FAT4: variants seen among roughly 807,000 people sequenced by gnomAD.
The protein encoded by FAT4 is protocadherin Fat 4.
FAT4 carries 84 observed loss-of-function variants against 303.9 expected under a neutral mutation model. That is an observed-to-expected ratio of 0.28 (90% confidence interval 0.23 to 0.33). FAT4 has a LOEUF of 0.33. Ranked by LOEUF, FAT4 falls within the 10% of genes least tolerant of loss-of-function variation. The probability of loss-of-function intolerance (pLI) is 1.00; values close to 1 mark genes in which losing one functional copy is unlikely to be tolerated. For synonymous variants in FAT4, 2,307 were observed against 2,298.8 expected (o/e 1.00, Z -0.10); for missense variants, 6,005 against 6,146.8 (o/e 0.98, Z 0.77).
intron 2 of FAT4, among the ~76,000 whole-genome samples, chr4:125,394,429 G>A (rs1578592631): frequency 6.6e-6 from 1 of 152,262 alleles, no homozygotes; most frequent in East Asian, 1.9e-4. Context: ...TAACTATGTA[G>A]TAGTATTGGG....
chr4:125,446,225 A>C, intron 8 of FAT4, 68 bp from the exon 9 acceptor site: 1 of 1,358,598 alleles, frequency 7.4e-7, no homozygotes, highest in Non-Finnish European at 1.0e-6. Flanking sequence ...CAGTTTTTTA[A>C]TTATAGTAAA....
intron 7 of FAT4, among the ~76,000 whole-genome samples, chr4:125,431,614 C>T (rs927029168): frequency 6.6e-6 from 1 of 152,100 alleles, no homozygotes; most frequent in East Asian, 1.9e-4. Flanking sequence ...GTGTCCTAAG[C>T]ACATTACATT....
rs960354611 is a variant in FAT4, at chr4:125,435,421, T to C, written c.7199+996T>C. 4.7e-4 allele frequency among the ~76,000 whole-genome samples: 72 copies of C among 152,310 alleles called. 1 individual carries two copies. The highest frequency in any genetic ancestry group is 3.5e-3 in the Admixed American group (54 of 15,292). On this transcript the variant is annotated intron_variant, in intron 8 of 17. Transcript: ENST00000394329. ...AAAGTAATGGAGCAGAAGATAAAAT[T>C]TGAGACATTAAGAATTATCAGCTAT...
At chr4:125,397,898 T>G (rs189467725) in intron 2 of FAT4, among the ~76,000 whole-genome samples, 1 of 152,266 alleles carries the variant, frequency 6.6e-6, no homozygotes, top group Admixed American at 6.5e-5. Flanking sequence ...ATGCCCTGGT[T>G]ATATCCTAAC....
chr4:125,420,793 A>T (rs1248570803), intron 7 of FAT4, among the ~76,000 whole-genome samples: 2 of 152,196 alleles, frequency 1.3e-5, no homozygotes, highest in African/African-American at 4.8e-5. Context: ...CTCTGATTCA[A>T]TTCTGTTATC....
Position 125,416,525 on chromosome 4 carries a change from T to G in FAT4, c.6921T>G (p.Ala2307=). 6.2e-7 allele frequency: 1 copy of G among 1,614,056 alleles called. No individual in the cohort carries two copies. Among genetic ancestry groups the G allele is most frequent in the Non-Finnish European group, 8.5e-7 (1 of 1,179,924 alleles). The stretch of plus-strand genomic sequence containing the variant: ...TGTTTGGTGGTAATGAAGACAATGC[T>G]TTTACTCTCTCAGCCAGTGGAGAAC... ...YVLFGGNEDN[A]FTLSASGELG... Residue 2307 remains alanine, a synonymous_variant, in exon 7 of 18, where the codon GCT becomes GCG. Transcript: ENST00000394329.
rs147663284 is a variant in FAT4 at position 125,449,949 on chromosome 4, A to G, written c.8939A>G (p.Asp2980Gly). ...ACCATCAATATAGTGGACAGTAATG[A>G]CAATGCACCTCAATTTCTTAAAAGT... ...TVTINIVDSN[D>G]NAPQFLKSKY... Residue 2980 changes from aspartate to glycine, a missense_variant, in exon 10 of 18, where the codon GAC (aspartate) becomes GGC (glycine). Transcript: ENST00000394329. The G allele has an allele frequency of 1.2e-6, 2 of 1,613,866 alleles. No homozygotes were observed. Among genetic ancestry groups the G allele is most frequent in the East Asian group, 2.2e-5 (1 of 44,852 alleles).
intron 2 of FAT4, among the ~76,000 whole-genome samples, chr4:125,330,734 C>G (rs979144858): frequency 6.6e-6 from 1 of 152,160 alleles, no homozygotes; most frequent in Non-Finnish European, 1.5e-5. Context: ...GCATCTCAGC[C>G]TTTGTCCTTG....
chr4:125,478,042 C>T (rs1727094489), intron 14 of FAT4, among the ~76,000 whole-genome samples: 2 of 152,176 alleles, frequency 1.3e-5, no homozygotes, highest in South Asian at 4.2e-4. Context: ...TTAACTGTTG[C>T]TATACACTTT....
At chr4:125,329,181 CA>C (rs1043060179) in intron 2 of FAT4, among the ~76,000 whole-genome samples, 5 of 152,072 alleles carry the variant, frequency 3.3e-5, no homozygotes, top group African/African-American at 1.2e-4. Flanking sequence ...CCCTTTGCAG[CA>C]AAACTTTTTG....
At chr4:125,487,175 A>G (rs567519116) in intron 16 of FAT4, among the ~76,000 whole-genome samples, 170 bp from the exon 17 acceptor site, 4 of 152,344 alleles carry the variant, frequency 2.6e-5, no homozygotes, top group Admixed American at 6.5e-5. Flanking sequence ...GTAAAAGTAC[A>G]TGTTGCCTAA....
chr4:125,382,166 C>T (rs1455139327), intron 2 of FAT4, among the ~76,000 whole-genome samples: 1 of 152,168 alleles, frequency 6.6e-6, no homozygotes, highest in East Asian at 1.9e-4. Context: ...TTTTTACCTC[C>T]TCCCATGAAT....
chr4:125,481,444 T>C, intron 15 of FAT4, 77 bp from the exon 16 acceptor site: 1 of 1,240,316 alleles, frequency 8.1e-7, no homozygotes. Context: ...CCTTTTTATA[T>C]TTTTGTCACT....
chr4:125,400,594 T>C (rs1230657946), intron 3 of FAT4, among the ~76,000 whole-genome samples: 4 of 152,014 alleles, frequency 2.6e-5, no homozygotes, highest in African/African-American at 4.8e-5. Flanking sequence ...TTTTAAGCTA[T>C]GTTTACCTTT....
rs528392010 is a variant in FAT4, at chr4:125,439,433, C to T, written c.7199+5008C>T. ...CTGCAACCTCCGCCTTCCAGGTTCA[C>T]GCCATTCTCCTGTCTCAGCCTCCTG... On this transcript the variant is annotated intron_variant, in intron 8 of 17. Coordinates refer to ENST00000394329, the MANE Select transcript of FAT4 (RefSeq NM_001291303.3). Among the ~76,000 whole-genome samples, 17 of 151,682 alleles carry T rather than the reference C, an allele frequency of 1.1e-4. No individual in the cohort carries two copies. In the South Asian group the frequency reaches 3.3e-3, roughly 30 times the overall value.
chr4:125,468,077 T>A (rs527546886), intron 11 of FAT4, among the ~76,000 whole-genome samples: 1 of 151,986 alleles, frequency 6.6e-6, no homozygotes, highest in South Asian at 2.1e-4. Flanking sequence ...GACAAGAGAA[T>A]CGCTTGAACC....
At position 125,451,660 on chromosome 4, in the gene FAT4, G is replaced by T; in HGVS notation, c.10650G>T (p.Leu3550Phe). Reference protein sequence around the residue: ...PPNQGPFTYYLLSTGPATSYF... With the variant: ...PPNQGPFTYYFLSTGPATSYF... ...ATCAAGGTCCCTTTACTTATTACTT[G>T]CTGAGCACAGGTCCTGCCACCAGTT... The change falls in exon 10 of 18, where the codon TTG (leucine) becomes TTT (phenylalanine). Residue 3550 changes from leucine to phenylalanine, a missense_variant. By Grantham distance (22) the Leu-to-Phe change is conservative. Transcript: ENST00000394329. 6.2e-7 allele frequency: 1 copy of T among 1,614,114 alleles called. No homozygotes were observed.
rs1419165638 is a variant in FAT4 at position 125,361,646 on chromosome 4, G to A, written c.5176-37138G>A. Among the ~76,000 whole-genome samples, 5 of 152,036 alleles carry A rather than the reference G, an allele frequency of 3.3e-5. No homozygotes were observed. In the South Asian group the frequency reaches 1.0e-3, roughly 32 times the overall value. ...TAAAATTGTGAATTTACAAACTGTG[G>A]GTTATTATATGCTACAGAAGCCACA... On this transcript the variant is annotated intron_variant, in intron 2 of 17. Transcript: ENST00000394329.
At chr4:125,327,687 A>T (rs1731212121) in intron 2 of FAT4, among the ~76,000 whole-genome samples, 1 of 152,230 alleles carries the variant, frequency 6.6e-6, no homozygotes, top group Admixed American at 6.5e-5. Context: ...CTATAGACAT[A>T]ACTCATCTTC....
Sources: gnomAD v4.1 joint callset for allele counts (sites outside exome capture counted in the v4.1 genomes callset) on GRCh38, gnomAD v4.1.1 for gene constraint, MANE v1.5 for transcripts, NCBI Gene and HGNC (gene_info 2026-07-23, HGNC 2026-07-21) for gene names.